The following OPHN1 variants were observed in gnomAD, a reference collection of about 807,000 sequenced individuals.
The protein encoded by OPHN1 is oligophrenin-1.
OPHN1 carries 11 observed loss-of-function variants against 60.7 expected under a neutral mutation model. The ratio of observed to expected loss-of-function variants is 0.18; its 90% CI spans 0.11 to 0.30. The LOEUF (loss-of-function observed/expected upper bound fraction) is 0.30. Among genes scored for constraint, OPHN1 ranks in the 10% least tolerant of loss-of-function variants. The pLI is 1.00. For missense variants in OPHN1, 449 were observed against 611.0 expected, an observed-to-expected ratio of 0.73 and a Z score of 2.80; for synonymous variants, 226 against 222.6, an observed-to-expected ratio of 1.02 and a Z score of -0.14.
intron 21 of OPHN1, among the ~76,000 whole-genome samples, chrX:68,060,373 T>C (rs2076888626): frequency 1.8e-5 from 2 of 111,078 alleles, no homozygotes; most frequent in Non-Finnish European, 3.8e-5. Flanking sequence ...TCTGAGCAAG[T>C]TGTTTTGTGT....
intron 20 of OPHN1, among the ~76,000 whole-genome samples, chrX:68,072,522 T>C (rs757336372): frequency 4.6e-4 from 51 of 110,807 alleles, no homozygotes; most frequent in African/African-American, 1.6e-3. Flanking sequence ...GAAGGAGGAG[T>C]TAGTCAACTG....
At chrX:68,071,509 G>T in intron 20 of OPHN1, 1 of 696,167 alleles carries the variant, frequency 1.4e-6, no homozygotes, top group Non-Finnish European at 2.4e-6. Flanking sequence ...GCCCAGCAGA[G>T]ATTTGAATTC....
chrX:68,153,739 A>G (rs767852554), intron 15 of OPHN1, among the ~76,000 whole-genome samples: 5 of 111,323 alleles, frequency 4.5e-5, no homozygotes, highest in Non-Finnish European at 7.5e-5. Flanking sequence ...TGATTTGGCT[A>G]TATGTTCTCA....
At chrX:68,195,921 T>G (rs778810074) in intron 12 of OPHN1, among the ~76,000 whole-genome samples, 12 of 111,980 alleles carry the variant, frequency 1.1e-4, no homozygotes, top group Non-Finnish European at 2.3e-4. Flanking sequence ...CTTTGATTCT[T>G]GAAAACCTAA....
chrX:68,288,224 T>A (rs912813268), intron 3 of OPHN1, among the ~76,000 whole-genome samples: 4 of 111,668 alleles, frequency 3.6e-5, no homozygotes, highest in Non-Finnish European at 5.6e-5. Context: ...TCCAACTATG[T>A]CATTTTATTC....
At chrX:68,359,746 C>T (rs746161897) in intron 2 of OPHN1, among the ~76,000 whole-genome samples, 2 of 107,068 alleles carry the variant, frequency 1.9e-5, no homozygotes, top group East Asian at 5.9e-4. Context: ...GTCCCAGCTA[C>T]TCGGGAGGTT....
At chrX:68,126,632 G>T (rs2077173081) in intron 15 of OPHN1, among the ~76,000 whole-genome samples, 1 of 110,969 alleles carries the variant, frequency 9.0e-6, no homozygotes, top group Admixed American at 9.6e-5. Flanking sequence ...TTTAGTAGAG[G>T]CAGGGTTTCA....
chrX:68,299,047 C>G lies in OPHN1; in HGVS notation c.204G>C (p.Gln68His), dbSNP rs367608364. 8.4e-7 allele frequency: 1 copy of G among 1,195,894 alleles called. No homozygotes were observed. Among genetic ancestry groups the G allele is most frequent in the East Asian group, 3.0e-5 (1 of 33,169 alleles). The change falls in exon 3 of 25, where the codon CAG becomes CAC. Residue 68 changes from glutamine to histidine, a missense_variant. Transcript: ENST00000355520. ...QKFSQTLQSFQFDFIGDTLTD... is the reference protein window; with the variant it reads ...QKFSQTLQSFHFDFIGDTLTD... The stretch of plus-strand genomic sequence containing the variant: ...TCAGAGTGTCTCCAATGAAATCAAA[C>G]TGAAATGACTGCAGCGTCTGGGAAA...
chrX:68,350,629 C>G (rs1327411174), intron 2 of OPHN1, among the ~76,000 whole-genome samples: 1 of 107,825 alleles, frequency 9.3e-6, no homozygotes, highest in Non-Finnish European at 1.9e-5. Context: ...CATCCTCCCC[C>G]ACTCAGCCTC....
rs2076826304 is a variant in OPHN1 at position 68,044,531 on chromosome X, A to ATG, written c.*2639_*2640dup. On this transcript the variant is annotated 3_prime_UTR_variant, in exon 25 of 25. Coordinates refer to ENST00000355520, the MANE Select transcript of OPHN1 (RefSeq NM_002547.3). ...GATTCTCTAACTTGCTGGCCAAGGT[A>ATG]TGTTGATAATTTCCTATAGCTGCCA... 8.9e-6 allele frequency: 1 copy of ATG among 112,443 alleles called. No homozygotes were observed. Among genetic ancestry groups the ATG allele is most frequent in the Non-Finnish European group, 1.9e-5 (1 of 53,315 alleles). 9.3% of individuals were successfully genotyped at this position (112,443 alleles called of 1,213,427 possible). A position where few individuals can be genotyped will look rare whatever the true frequency, so the allele number is the denominator to read the frequency against.
At chrX:68,252,053 C>T (rs1473598127) in intron 5 of OPHN1, among the ~76,000 whole-genome samples, 2 of 111,629 alleles carry the variant, frequency 1.8e-5, no homozygotes, top group South Asian at 3.7e-4. Context: ...TTTGAAAGAC[C>T]TCACGTGTCT....
At chrX:68,355,053 T>C in intron 2 of OPHN1, among the ~76,000 whole-genome samples, 1 of 112,009 alleles carries the variant, frequency 8.9e-6, no homozygotes, top group Non-Finnish European at 1.9e-5. Context: ...GTGACTAGGC[T>C]AGTTTCCCCT....
chrX:68,283,566 C>T (rs950120031), intron 3 of OPHN1, among the ~76,000 whole-genome samples: 14 of 111,464 alleles, frequency 1.3e-4, no homozygotes, highest in Non-Finnish European at 2.1e-4. Context: ...ATAAACATTA[C>T]CCTTTCCACC....
chrX:68,254,674 TG>T (rs2077852733), intron 5 of OPHN1, among the ~76,000 whole-genome samples: 1 of 111,234 alleles, frequency 9.0e-6, no homozygotes. Flanking sequence ...GTGGCAACTT[TG>T]GTAAGACATT....
chrX:68,286,178 TG>T (rs1755702954), intron 3 of OPHN1, among the ~76,000 whole-genome samples: 1 of 111,481 alleles, frequency 9.0e-6, no homozygotes, highest in African/African-American at 3.3e-5. Context: ...CCCCAGAGCT[TG>T]TTGTTCTTGT....
In OPHN1 at chrX:68,063,841, C is replaced by G; in HGVS notation, c.2158+13G>C. 5.2e-6 allele frequency: 6 copies of G among 1,149,239 alleles called. No homozygotes were observed. Among genetic ancestry groups the G allele is most frequent in the Non-Finnish European group, 7.0e-6 (6 of 861,524 alleles). The allele number at this position is 1,149,239 out of a possible 1,213,427, so 94.7% of individuals were successfully genotyped here. A position where few individuals can be genotyped will look rare whatever the true frequency, so the allele number is the denominator to read the frequency against. On this transcript the variant is annotated intron_variant, in intron 21 of 24. Coordinates refer to ENST00000355520, the MANE Select transcript of OPHN1 (RefSeq NM_002547.3). ...GGTCAGCTCTGGCTCCCATGGGATT[C>G]CCAAGCACTTACCCTCCTTGTGGTG...
At chrX:68,351,366 C>T (rs1374005609) in intron 2 of OPHN1, among the ~76,000 whole-genome samples, 1 of 111,726 alleles carries the variant, frequency 9.0e-6, no homozygotes, top group East Asian at 2.8e-4. Context: ...CTCAGGAGTA[C>T]TCTTGAACAA....
At chrX:68,121,344 C>T (rs1401089721) in intron 15 of OPHN1, among the ~76,000 whole-genome samples, 1 of 111,728 alleles carries the variant, frequency 9.0e-6, no homozygotes, top group Non-Finnish European at 1.9e-5. Context: ...TATGAGCAAA[C>T]ATTTCTCCAA....
chrX:68,209,866 T>C (rs1224340110), intron 9 of OPHN1, among the ~76,000 whole-genome samples: 1 of 111,804 alleles, frequency 8.9e-6, no homozygotes, highest in Non-Finnish European at 1.9e-5. Flanking sequence ...ACTTCCCTTT[T>C]TTCCAAAAGA....
Sources: gnomAD v4.1 joint callset for allele counts (sites outside exome capture counted in the v4.1 genomes callset) on GRCh38, gnomAD v4.1.1 for gene constraint, MANE v1.5 for transcripts, NCBI Gene and HGNC (gene_info 2026-07-23, HGNC 2026-07-21) for gene names.